The following TMTC2 variants were observed in gnomAD, a reference collection of about 807,000 sequenced individuals.
TMTC2 encodes the protein transmembrane O-mannosyltransferase targeting cadherins 2, also known as protein O-mannosyl-transferase TMTC2.
TMTC2 carries 43 observed loss-of-function variants against 82.4 expected under a neutral mutation model. The ratio of observed to expected loss-of-function variants is 0.52; its 90% CI spans 0.41 to 0.67. The LOEUF (loss-of-function observed/expected upper bound fraction) is 0.67, where lower values mean the gene tolerates loss of function less well. TMTC2 is among the 30% of genes least tolerant of loss of function. The pLI is 0.00. For missense variants in TMTC2, 919 were observed against 1,012.4 expected (o/e 0.91, Z 1.25); for synonymous variants, 408 against 381.9 (o/e 1.07, Z -0.80).
rs898638554 is a variant in TMTC2, at chr12:82,922,516, C to CT, written c.1484-7906dup. On this transcript the variant is annotated intron_variant, in intron 3 of 11. Coordinates refer to ENST00000321196, the MANE Select transcript of TMTC2 (RefSeq NM_152588.3). ...CTACCTTCCTTTTCCTTCTCTTTCTCTTTTTTTTTCCCTTCACTGCAGTTT... is the reference window on the plus strand; with the variant it reads ...CTACCTTCCTTTTCCTTCTCTTTCTCTTTTTTTTTTCCCTTCACTGCAGTTT... Among the ~76,000 whole-genome samples, 23 of 150,916 alleles carry CT rather than the reference C, an allele frequency of 1.5e-4. 1 individual carries two copies. In the Middle Eastern group the frequency reaches 0.01, roughly 68 times the overall value.
chr12:82,878,324 T>C (rs1872678469), intron 2 of TMTC2, among the ~76,000 whole-genome samples: 1 of 152,224 alleles, frequency 6.6e-6, no homozygotes, highest in African/African-American at 2.4e-5. Flanking sequence ...ACTTTGGGCC[T>C]CAACAACTTC....
intron 1 of TMTC2, among the ~76,000 whole-genome samples, chr12:82,689,181 G>A (rs1872470379): frequency 6.6e-6 from 1 of 152,160 alleles, no homozygotes; most frequent in Non-Finnish European, 1.5e-5. Flanking sequence ...CGTGGAAAAA[G>A]CCCTTGTTTC....
chr12:82,781,477 G>A (rs1355939946), intron 1 of TMTC2, among the ~76,000 whole-genome samples: 3 of 148,774 alleles, frequency 2.0e-5, no homozygotes, highest in African/African-American at 7.4e-5. Flanking sequence ...TCTTTGTGGT[G>A]GAAATACTGG....
At chr12:82,843,329 T>C (rs12317660) in intron 1 of TMTC2, among the ~76,000 whole-genome samples, 37,407 of 151,834 alleles carry the variant, frequency 0.25, 11,206 homozygotes, top group African/African-American at 0.72. Flanking sequence ...TCAAGTGATC[T>C]GCCTGCCCTG....
chr12:82,985,860 C>T, intron 7 of TMTC2, 65 bp from the exon 8 acceptor site: 2 of 1,558,700 alleles, frequency 1.3e-6, no homozygotes, highest in Non-Finnish European at 1.7e-6. Context: ...GATGATGATG[C>T]TGTTGCAAAT....
intron 4 of TMTC2, among the ~76,000 whole-genome samples, chr12:82,943,226 A>G (rs1452800881): frequency 1.3e-5 from 2 of 152,200 alleles, no homozygotes; most frequent in Admixed American, 6.5e-5. Flanking sequence ...TTGTCTCTCA[A>G]TGTGTTGAAA....
intron 11 of TMTC2, among the ~76,000 whole-genome samples, chr12:83,129,938 A>C (rs1403237268): frequency 6.6e-6 from 1 of 152,188 alleles, no homozygotes; most frequent in African/African-American, 2.4e-5. Context: ...TGTTTTTAAT[A>C]ATCCCTTTGA....
At chr12:82,992,214 G>A (rs1419744545) in intron 8 of TMTC2, among the ~76,000 whole-genome samples, 3 of 152,176 alleles carry the variant, frequency 2.0e-5, no homozygotes, top group African/African-American at 7.2e-5. Context: ...GAAATGTAAT[G>A]CAGTGTGTTT....
intron 8 of TMTC2, among the ~76,000 whole-genome samples, chr12:83,029,624 C>T (rs76098259): frequency 6.6e-6 from 1 of 152,116 alleles, no homozygotes; most frequent in East Asian, 1.9e-4. Context: ...TTGGACACCA[C>T]CCAGTGCCTT....
At chr12:83,030,489 CT>C (rs1484773797) in intron 8 of TMTC2, among the ~76,000 whole-genome samples, 1 of 151,784 alleles carries the variant, frequency 6.6e-6, no homozygotes, top group Non-Finnish European at 1.5e-5. Flanking sequence ...TTAAAACTGT[CT>C]TGTCTTTCTG....
rs947968125 is a variant in TMTC2, at chr12:83,030,816, G to A, written c.2089G>A (p.Glu697Lys). The A allele has an allele frequency of 1.9e-6, 3 of 1,613,448 alleles. No homozygotes were observed. The highest frequency in any genetic ancestry group is 1.7e-6 in the Non-Finnish European group (2 of 1,179,584). The change falls in exon 9 of 12, where the codon GAA becomes AAA. Residue 697 changes from glutamate (E) to lysine (K), a missense_variant. Physicochemically the swap from Glu to Lys is moderately conservative, Grantham distance 56. Transcript: ENST00000321196. Reference protein sequence around the residue: ...LALTGRKSEAEKLFLKAIELD... With the variant: ...LALTGRKSEAKKLFLKAIELD... ...TTTCAAGGGTCGTAAGAGTGAGGCT[G>A]AAAAGCTCTTCTTGAAGGCTATTGA...
rs142028448 is a variant in TMTC2, at chr12:82,754,146, C to G, written c.83+66477C>G. On this transcript the variant is annotated intron_variant, in intron 1 of 11. Transcript: ENST00000321196. ...TATCAGAAAGAAGTTGAGAGAAGAT[C>G]AGGAATAAGGCATTTCTTATAATAA... Among the ~76,000 whole-genome samples the G allele has an allele frequency of 6.0e-4, 91 of 152,244 alleles. 2 individuals are homozygous for G. The South Asian group carries it at 0.019, about 31-fold the overall frequency.
intron 7 of TMTC2, among the ~76,000 whole-genome samples, chr12:82,975,897 TAAA>T (rs3068096): frequency 0.12 from 17,477 of 151,548 alleles, 1,374 homozygotes; most frequent in African/African-American, 0.21. Flanking sequence ...AACTTTTTTT[TAAA>T]AAAAAAATAA....
At chr12:83,116,509 C>T (rs1448755075) in intron 11 of TMTC2, among the ~76,000 whole-genome samples, 1 of 152,206 alleles carries the variant, frequency 6.6e-6, no homozygotes, top group Non-Finnish European at 1.5e-5. Context: ...TAAGGAATCT[C>T]CACACTGTTT....
intron 2 of TMTC2, among the ~76,000 whole-genome samples, chr12:82,889,748 C>T (rs1483831907): frequency 1.3e-5 from 2 of 152,116 alleles, no homozygotes; most frequent in Non-Finnish European, 2.9e-5. Flanking sequence ...TTCACTGCTA[C>T]ATAATATTAT....
intron 1 of TMTC2, among the ~76,000 whole-genome samples, chr12:82,799,856 A>G (rs1446752367): frequency 6.6e-6 from 1 of 152,120 alleles, no homozygotes; most frequent in Non-Finnish European, 1.5e-5. Context: ...CTTACCGGCA[A>G]GGAACATCAA....
intron 4 of TMTC2, among the ~76,000 whole-genome samples, chr12:82,940,023 T>G (rs1876620862): frequency 7.0e-6 from 1 of 143,726 alleles, no homozygotes; most frequent in Non-Finnish European, 1.5e-5. Flanking sequence ...ACTTTTTTTT[T>G]TTTTTTTTTT....
chr12:82,941,127 A>C (rs1255312681), intron 4 of TMTC2, among the ~76,000 whole-genome samples: 2 of 152,202 alleles, frequency 1.3e-5, no homozygotes, highest in Non-Finnish European at 2.9e-5. Context: ...ATCCAGATTA[A>C]AAAGAGCCAA....
chr12:82,692,215 TACAC>T (rs1421776329), intron 1 of TMTC2, among the ~76,000 whole-genome samples: 1 of 152,108 alleles, frequency 6.6e-6, no homozygotes, highest in Non-Finnish European at 1.5e-5. Context: ...CATACACACA[TACAC>T]ACACACATAC....
Sources: allele counts gnomAD v4.1 joint callset (sites outside exome capture counted in the v4.1 genomes callset), GRCh38; gene constraint gnomAD v4.1.1; transcripts MANE v1.5; gene names NCBI Gene and HGNC (gene_info 2026-07-23, HGNC 2026-07-21).